ASTN2: variants seen among roughly 807,000 people sequenced by gnomAD.
ASTN2 encodes the protein astrotactin 2, also known as astrotactin-2.
In ASTN2, 54 loss-of-function variants were observed where a neutral mutation model predicts 139.8. That is an observed-to-expected ratio of 0.39 (90% CI 0.31 to 0.48). The LOEUF is 0.48. ASTN2 is among the 20% of genes least tolerant of loss of function. The probability of loss-of-function intolerance (pLI) is 0.95; values close to 1 mark genes in which losing one functional copy is unlikely to be tolerated. For synonymous variants in ASTN2, 756 were observed against 719.5 expected, an observed-to-expected ratio of 1.05 and a Z score of -0.81; for missense variants, 1,565 against 1,725.1, an observed-to-expected ratio of 0.91 and a Z score of 1.64.
At chr9:117,091,732 C>G (rs1432738601) in intron 5 of ASTN2, among the ~76,000 whole-genome samples, 1 of 151,988 alleles carries the variant, frequency 6.6e-6, no homozygotes, top group African/African-American at 2.4e-5. Context: ...GGGAGAGAGT[C>G]AGGGCAAGAT....
intron 1 of ASTN2, among the ~76,000 whole-genome samples, chr9:117,304,880 G>C (rs1187253734): frequency 6.6e-6 from 1 of 152,194 alleles, no homozygotes; most frequent in African/African-American, 2.4e-5. Flanking sequence ...GCCAGGCTGA[G>C]GGTGGGGAGG....
intron 11 of ASTN2, among the ~76,000 whole-genome samples, chr9:116,861,973 CTTTTTT>C (rs56282333): frequency 1.5e-5 from 2 of 133,654 alleles, no homozygotes; most frequent in Non-Finnish European, 3.1e-5. Flanking sequence ...TTTCCTTCTT[CTTTTTT>C]TTTTTTTTTT....
chr9:117,205,401 C>T (rs993742259), intron 3 of ASTN2, among the ~76,000 whole-genome samples: 3 of 152,078 alleles, frequency 2.0e-5, no homozygotes, highest in African/African-American at 7.2e-5. Context: ...TCTAATCCTC[C>T]CATTAACCCT....
At chr9:117,340,321 G>C (rs1026247555) in intron 1 of ASTN2, among the ~76,000 whole-genome samples, 2 of 103,640 alleles carry the variant, frequency 1.9e-5, no homozygotes, top group Non-Finnish European at 3.5e-5. Flanking sequence ...GACTGAGAGA[G>C]ACTCAGTCTC....
intron 20 of ASTN2, among the ~76,000 whole-genome samples, chr9:116,467,150 G>A (rs1455173624): frequency 6.6e-6 from 1 of 152,028 alleles, no homozygotes; most frequent in African/African-American, 2.4e-5. Context: ...AAAGCATGAA[G>A]GACTATCAAA....
chr9:116,629,883 G>A (rs1856657535), intron 17 of ASTN2, among the ~76,000 whole-genome samples: 2 of 152,114 alleles, frequency 1.3e-5, no homozygotes, highest in Non-Finnish European at 2.9e-5. Context: ...AGATGCTTGT[G>A]CACAAGGCTC....
At chr9:116,535,340 T>C (rs1451544972) in intron 19 of ASTN2, among the ~76,000 whole-genome samples, 1 of 152,226 alleles carries the variant, frequency 6.6e-6, no homozygotes, top group Non-Finnish European at 1.5e-5. Context: ...GTCTTTTAAT[T>C]GGAGCATTTA....
chr9:116,462,166 G>A (rs1432685957), intron 20 of ASTN2, among the ~76,000 whole-genome samples: 1 of 151,978 alleles, frequency 6.6e-6, no homozygotes, highest in Non-Finnish European at 1.5e-5. Context: ...AGCCCCCATG[G>A]GACATTTTTA....
At chr9:116,598,584 T>A (rs976744434) in intron 19 of ASTN2, among the ~76,000 whole-genome samples, 4 of 152,266 alleles carry the variant, frequency 2.6e-5, no homozygotes, top group Non-Finnish European at 4.4e-5. Flanking sequence ...TAGATGCCTG[T>A]GACTGAGTGG....
Position 116,694,524 on chromosome 9 carries a change from C to A in ASTN2, c.2806+31247G>T, listed in dbSNP as rs184489068. Among the ~76,000 whole-genome samples the A allele has an allele frequency of 3.6e-3, 462 of 127,664 alleles. 6 individuals carry two copies. Among genetic ancestry groups the A allele is most frequent in the Middle Eastern group, 0.029 (5 of 172 alleles). The allele number at this position is 127,664 out of a possible 152,430, so 83.8% of individuals were successfully genotyped here. A position where few individuals can be genotyped will look rare whatever the true frequency, so the allele number is the denominator to read the frequency against. ...TCACCCAGTCTGGAGTGCAGTGGCG[C>A]GTCTCGGCTCACTGCAAGCTCCGCC... is the stretch of plus-strand genomic sequence containing the variant. On this transcript the variant is annotated intron_variant, in intron 16 of 22. Transcript: ENST00000313400.
intron 19 of ASTN2, among the ~76,000 whole-genome samples, chr9:116,516,421 C>G (rs1454515662): frequency 6.6e-6 from 1 of 152,150 alleles, no homozygotes; most frequent in African/African-American, 2.4e-5. Flanking sequence ...ATCATAATCT[C>G]ATTTGATCTT....
chr9:116,977,302 G>T (rs1465962343), intron 7 of ASTN2, among the ~76,000 whole-genome samples: 14 of 152,056 alleles, frequency 9.2e-5, no homozygotes, highest in Admixed American at 9.2e-4. Context: ...TAGTCTCCTG[G>T]TTTTATTTTG....
chr9:116,738,080 T>C (rs374471851), intron 13 of ASTN2, among the ~76,000 whole-genome samples: 38 of 151,212 alleles, frequency 2.5e-4, no homozygotes, highest in African/African-American at 8.3e-4. Context: ...TAGTCCCAGC[T>C]ACTCGGGAGG....
intron 10 of ASTN2, among the ~76,000 whole-genome samples, chr9:116,918,342 C>A (rs1230750417): frequency 2.0e-5 from 3 of 152,120 alleles, no homozygotes; most frequent in Non-Finnish European, 4.4e-5. Context: ...GCACAGGGGG[C>A]AGCCTCATAG....
intron 2 of ASTN2, among the ~76,000 whole-genome samples, chr9:117,260,277 G>A (rs976725512): frequency 1.3e-5 from 2 of 152,196 alleles, no homozygotes; most frequent in African/African-American, 2.4e-5. Context: ...TGAGCAATCT[G>A]TCATGTGAAC....
chr9:117,161,179 A>G (rs1401660503), intron 3 of ASTN2, among the ~76,000 whole-genome samples: 3 of 152,010 alleles, frequency 2.0e-5, no homozygotes, highest in African/African-American at 7.2e-5. Context: ...GATGATGATG[A>G]TGGTGGTGGT....
At chr9:116,653,418 G>C (rs1252414319) in intron 16 of ASTN2, among the ~76,000 whole-genome samples, 1 of 152,170 alleles carries the variant, frequency 6.6e-6, no homozygotes, top group Non-Finnish European at 1.5e-5. Flanking sequence ...AAAATAAAGA[G>C]TTCTATGGCT....
intron 10 of ASTN2, among the ~76,000 whole-genome samples, chr9:116,964,216 G>GGGGTGTGT (rs1361325702): frequency 1.2e-4 from 17 of 140,804 alleles, no homozygotes; most frequent in Non-Finnish European, 2.3e-4. Flanking sequence ...ACTGCCCTGG[G>GGGGTGTGT]GTGTGTGTGT....
intron 16 of ASTN2, among the ~76,000 whole-genome samples, chr9:116,686,237 G>T (rs1860200512): frequency 1.3e-5 from 2 of 152,074 alleles, no homozygotes; most frequent in South Asian, 2.1e-4. Context: ...GGTATATGTG[G>T]CCTTGTGTAA....
Sources: allele counts gnomAD v4.1 joint callset (sites outside exome capture counted in the v4.1 genomes callset), GRCh38; gene constraint gnomAD v4.1.1; transcripts MANE v1.5; gene names NCBI Gene and HGNC (gene_info 2026-07-23, HGNC 2026-07-21).